KSR1: variants seen among roughly 807,000 people sequenced by gnomAD.
The protein encoded by KSR1 is kinase suppressor of ras.
A neutral mutation model predicts 92.9 loss-of-function variants in KSR1; 35 were observed. That is an observed-to-expected ratio of 0.38 (90% CI 0.29 to 0.50). The LOEUF (loss-of-function observed/expected upper bound fraction) is 0.50. Ranked by LOEUF, KSR1 falls within the 20% of genes least tolerant of loss-of-function variation. KSR1 has a pLI of 0.94. For synonymous variants in KSR1, 467 were observed against 472.6 expected, an observed-to-expected ratio of 0.99 and a Z score of 0.15; for missense variants, 972 against 1,158.5, an observed-to-expected ratio of 0.84 and a Z score of 2.34.
chr17:27,501,982 C>G (rs559424188), intron 1 of KSR1, among the ~76,000 whole-genome samples: 3 of 152,188 alleles, frequency 2.0e-5, no homozygotes, highest in Non-Finnish European at 4.4e-5. Flanking sequence ...GAAAGTTGTC[C>G]CTCAGGTGGA....
intron 1 of KSR1, among the ~76,000 whole-genome samples, chr17:27,469,706 C>A (rs369428369): frequency 6.6e-6 from 1 of 152,110 alleles, no homozygotes; most frequent in Admixed American, 6.6e-5. Flanking sequence ...CACTGTCCCC[C>A]GCCTTTCACG....
intron 1 of KSR1, among the ~76,000 whole-genome samples, chr17:27,501,292 CTTTTTTTTTTTTTT>C: frequency 2.0e-5 from 1 of 49,706 alleles, no homozygotes; most frequent in African/African-American, 8.2e-5. Context: ...TTCTTTTCTT[CTTTTTTTTTTTTTT>C]TTTTTTTTTT....
intron 9 of KSR1, among the ~76,000 whole-genome samples, chr17:27,595,852 G>A (rs553241133): frequency 4.6e-5 from 7 of 152,182 alleles, no homozygotes; most frequent in African/African-American, 1.7e-4. Context: ...GGGAGCCATG[G>A]CCACAGGCAT....
chr17:27,510,062 C>CT (rs2069543025), intron 1 of KSR1, among the ~76,000 whole-genome samples: 2 of 152,216 alleles, frequency 1.3e-5, no homozygotes, highest in African/African-American at 4.8e-5. Context: ...CCTCTTGGCA[C>CT]TTGGGAACTG....
intron 2 of KSR1, among the ~76,000 whole-genome samples, chr17:27,576,706 G>T (rs1358874653): frequency 6.6e-6 from 1 of 152,194 alleles, no homozygotes; most frequent in Non-Finnish European, 1.5e-5. Context: ...TACTCAGAAT[G>T]GTGCATAGTT....
intron 1 of KSR1, among the ~76,000 whole-genome samples, chr17:27,463,817 T>C (rs995061311): frequency 8.5e-4 from 130 of 152,350 alleles, no homozygotes; most frequent in African/African-American, 3.1e-3. Context: ...GTTGCATCCC[T>C]AACTACAAAT....
intron 2 of KSR1, among the ~76,000 whole-genome samples, chr17:27,551,303 C>G (rs1380143490): frequency 6.6e-6 from 1 of 152,170 alleles, no homozygotes; most frequent in Non-Finnish European, 1.5e-5. Flanking sequence ...CCAGCATACT[C>G]GGAGTGTGTA....
At chr17:27,514,153 G>C (rs1278282847) in intron 1 of KSR1, among the ~76,000 whole-genome samples, 5 of 152,236 alleles carry the variant, frequency 3.3e-5, no homozygotes, top group African/African-American at 1.2e-4. Flanking sequence ...CAATACCAAT[G>C]AATGGCCATT....
chr17:27,541,241 C>A (rs2070951041), intron 1 of KSR1, among the ~76,000 whole-genome samples: 1 of 152,284 alleles, frequency 6.6e-6, no homozygotes, highest in Admixed American at 6.5e-5. Context: ...ACTGCACCTG[C>A]CACAGGAGGA....
chr17:27,585,805 T>C, intron 5 of KSR1, 144 bp downstream of exon 5: 1 of 698,710 alleles, frequency 1.4e-6, no homozygotes, highest in East Asian at 2.7e-5. Context: ...GGTGACCACC[T>C]CAGGAAATAG....
chr17:27,494,552 G>A (rs1037723175), intron 1 of KSR1, among the ~76,000 whole-genome samples: 6 of 152,154 alleles, frequency 3.9e-5, no homozygotes, highest in Non-Finnish European at 8.8e-5. Context: ...CCTCTGCCTC[G>A]ACTTCAACAG....
intron 1 of KSR1, among the ~76,000 whole-genome samples, chr17:27,515,812 C>G (rs1381918634): frequency 6.6e-6 from 1 of 151,986 alleles, no homozygotes; most frequent in African/African-American, 2.4e-5. Flanking sequence ...ACCATAGACT[C>G]TCCTCTAGGT....
intron 1 of KSR1, among the ~76,000 whole-genome samples, chr17:27,519,301 C>T (rs1388518990): frequency 6.6e-6 from 1 of 152,134 alleles, no homozygotes; most frequent in African/African-American, 2.4e-5. Flanking sequence ...CAGGTCAGGG[C>T]CTGCCCTGTG....
intron 1 of KSR1, among the ~76,000 whole-genome samples, chr17:27,463,107 A>C (rs1035943509): frequency 6.6e-6 from 1 of 152,228 alleles, no homozygotes; most frequent in Non-Finnish European, 1.5e-5. Context: ...CCTCGTCTTT[A>C]ATATCTTTAT....
In KSR1 at chr17:27,607,993, G is replaced by T; in HGVS notation, c.2074G>T (p.Ala692Ser). 1 of 1,608,450 alleles carries T rather than the reference G, an allele frequency of 6.2e-7. No homozygotes were observed. The highest frequency in any genetic ancestry group is 8.5e-7 in the Non-Finnish European group (1 of 1,177,316). Residue 692 changes from alanine to serine, a missense_variant, in exon 15 of 21, where the codon GCT becomes TCT. Coordinates refer to ENST00000644974, the MANE Select transcript of KSR1 (RefSeq NM_001394583.1). Reference protein sequence around the residue: ...SLDINKTRQIAQEIIKGMGYL... With the variant: ...SLDINKTRQISQEIIKGMGYL... Reference sequence around the variant, plus strand: ...GGACATCAACAAGACGAGGCAAATCGCTCAGGAGATCATCAAGGTGAGGGG... The same window carrying T: ...GGACATCAACAAGACGAGGCAAATCTCTCAGGAGATCATCAAGGTGAGGGG...
rs1190304636 is a variant in KSR1, at chr17:27,588,564, A to C, written c.1046+29A>C. On this transcript the variant is annotated intron_variant, in intron 6 of 20. Coordinates refer to ENST00000644974, the MANE Select transcript of KSR1 (RefSeq NM_001394583.1). ...GGCACAGCGGGCCTGGAGGGGGAGC[A>C]GGGCACAGCCGGGCTGGTACCCAGA... 12 of 1,570,840 alleles carry C rather than the reference A, an allele frequency of 7.6e-6. 1 individual carries two copies. In the Admixed American group the frequency reaches 1.8e-4, roughly 24 times the overall value.
chr17:27,586,393 T>A (rs1343905584), intron 5 of KSR1, among the ~76,000 whole-genome samples: 1 of 152,226 alleles, frequency 6.6e-6, no homozygotes, highest in Non-Finnish European at 1.5e-5. Flanking sequence ...TTTTGTACTA[T>A]CCCGAGCTGG....
intron 1 of KSR1, among the ~76,000 whole-genome samples, chr17:27,475,318 G>A (rs1225611175): frequency 6.6e-6 from 1 of 152,220 alleles, no homozygotes; most frequent in Non-Finnish European, 1.5e-5. Flanking sequence ...GGTGAGAGGT[G>A]CTGTGTTTAT....
intron 14 of KSR1, among the ~76,000 whole-genome samples, chr17:27,606,946 C>T (rs2073773533): frequency 6.6e-6 from 1 of 152,150 alleles, no homozygotes; most frequent in Non-Finnish European, 1.5e-5. Context: ...ATTTTCGTGC[C>T]TCAGCCTCCC....
Sources: gnomAD v4.1 joint callset for allele counts (sites outside exome capture counted in the v4.1 genomes callset) on GRCh38, gnomAD v4.1.1 for gene constraint, MANE v1.5 for transcripts, NCBI Gene and HGNC (gene_info 2026-07-23, HGNC 2026-07-21) for gene names.